Variants in RGMA observed in about 807,000 individuals in gnomAD.
RGMA encodes repulsive guidance molecule A.
RGMA carries 10 observed loss-of-function variants against 23.2 expected under a neutral mutation model. The ratio of observed to expected loss-of-function variants is 0.43; its 90% confidence interval spans 0.27 to 0.73. RGMA has a LOEUF of 0.73. RGMA is among the 30% of genes least tolerant of loss of function. The probability of loss-of-function intolerance (pLI) is 0.20; values close to 1 mark genes in which losing one functional copy is unlikely to be tolerated. For missense variants in RGMA, 547 were observed against 630.5 expected, an observed-to-expected ratio of 0.87 and a Z score of 1.42; for synonymous variants, 308 against 279.3, an observed-to-expected ratio of 1.10 and a Z score of -1.03.
intron 1 of RGMA, chr15:93,073,590 C>T (rs1264402246): frequency 3.3e-6 from 5 of 1,535,538 alleles, no homozygotes; most frequent in Non-Finnish European, 3.5e-6. Context: ...CGACCCCAAG[C>T]TTCCACCGAC....
Position 93,044,656 on chromosome 15 carries a change from A to G in RGMA, c.*342T>C. 5.8e-6 allele frequency: 2 copies of G among 343,302 alleles called. No individual in the cohort carries two copies. The highest frequency in any genetic ancestry group is 1.1e-5 in the Non-Finnish European group (2 of 186,004). The allele number at this position is 343,302 out of a possible 1,614,324, so 21.3% of individuals were successfully genotyped here. A position where few individuals can be genotyped will look rare whatever the true frequency, so the allele number is the denominator to read the frequency against. On this transcript the variant is annotated 3_prime_UTR_variant, in exon 4 of 4. Transcript: ENST00000329082. ...GGCCTTTCAGTGCATTGCGAGGGGG[A>G]AGGAGCTGACTCTGACGGTTCCCAG...
At chr15:93,082,865 A>C (rs1005886234) in intron 1 of RGMA, among the ~76,000 whole-genome samples, 1 of 152,250 alleles carries the variant, frequency 6.6e-6, no homozygotes, top group Non-Finnish European at 1.5e-5. Context: ...AGATTTACTT[A>C]AACAACAGGA....
intron 2 of RGMA, among the ~76,000 whole-genome samples, chr15:93,071,748 GCAAAT>G (rs1462825581): frequency 6.6e-6 from 1 of 152,240 alleles, no homozygotes; most frequent in Non-Finnish European, 1.5e-5. Flanking sequence ...TGGCGGAAGA[GCAAAT>G]CAAAATAACC....
intron 1 of RGMA, chr15:93,088,618 G>A: frequency 9.7e-7 from 1 of 1,033,340 alleles, no homozygotes; most frequent in Non-Finnish European, 1.2e-6. Flanking sequence ...GCTGAGGGAA[G>A]GAGCTCCCAG....
chr15:93,072,898 C>G lies in RGMA; in HGVS notation c.130+18G>C. ...GCCCAGGGACCCGGCCCCGCGCGCC[C>G]GGCCGGCAGTGCCTTACCTGCGGGG... On this transcript the variant is annotated intron_variant, in intron 2 of 3. Transcript: ENST00000329082. 1 of 1,590,312 alleles carries G rather than the reference C, an allele frequency of 6.3e-7. No homozygotes were observed. Among genetic ancestry groups the G allele is most frequent in the Non-Finnish European group, 8.6e-7 (1 of 1,168,956 alleles).
At chr15:93,079,446 G>A (rs572683378) in intron 1 of RGMA, among the ~76,000 whole-genome samples, 19 of 152,260 alleles carry the variant, frequency 1.2e-4, no homozygotes, top group East Asian at 7.7e-4. Context: ...ATTGTGCTTC[G>A]TTCAGCTAGT....
rs760403562 is a variant in RGMA at position 93,045,387 on chromosome 15, T to C, written c.964A>G (p.Asn322Asp). 10 of 1,611,282 alleles carry C rather than the reference T, an allele frequency of 6.2e-6. No individual in the cohort carries two copies. The Admixed American group carries it at 8.4e-5, about 13-fold the overall frequency. ...LYLCLRGCPL[N>D]QQIDFQAFHT... ...AAGGCCTGGAAGTCGATCTGCTGGT[T>C]GAGGGGGCAGCCCCGCAGGCAGAGG... Residue 322 changes from asparagine (N) to aspartate (D), a missense_variant, in exon 4 of 4, where the codon AAC becomes GAC. By Grantham distance (23) the Asn-to-Asp change is conservative. Coordinates refer to ENST00000329082, the MANE Select transcript of RGMA (RefSeq NM_020211.3). The surrounding 1 kb of genome is among the most constrained non-coding windows in gnomAD (Gnocchi z 6.9).
At chr15:93,088,203 A>C in intron 1 of RGMA, 1 of 868,114 alleles carries the variant, frequency 1.2e-6, no homozygotes. Context: ...AATAAGACGC[A>C]ATCCCGAATT....
In RGMA at chr15:93,045,201, T is replaced by C. The variant is rs2054800928; in HGVS notation, c.1150A>G (p.Thr384Ala). ...YYQACVFDLL[T>A]TGDVNFTLAA... ...AGTGTGAAGTTCACGTCGCCCGTGG[T>C]GAGGAGGTCGAAGACGCAGGCCTGG... Residue 384 changes from threonine (T) to alanine (A), a missense_variant, in exon 4 of 4, where the codon ACC (threonine) becomes GCC (alanine). By Grantham distance (58) the Thr-to-Ala change is moderately conservative. Around this residue, in one of 3 missense-constraint regions of RGMA, gnomAD observed 205 missense variants for 204.1 expected, o/e 1.00. Transcript: ENST00000329082. The surrounding 1 kb of genome is among the most constrained non-coding windows in gnomAD (Gnocchi z 6.9). The C allele has an allele frequency of 1.2e-6, 2 of 1,611,050 alleles. No homozygotes were observed. Among genetic ancestry groups the C allele is most frequent in the Non-Finnish European group, 1.7e-6 (2 of 1,178,802 alleles).
Position 93,043,887 on chromosome 15 carries a change from G to GA in RGMA, c.*1110dup, listed in dbSNP as rs750921487. On this transcript the variant is annotated 3_prime_UTR_variant, in exon 4 of 4. Coordinates refer to ENST00000329082, the MANE Select transcript of RGMA (RefSeq NM_020211.3). ...GCTGTGGGCACAGCAGCACAGGTGG[G>GA]ACTGTTCTGGGCCCCTGGATGAGCA... 5.9e-5 allele frequency: 9 copies of GA among 152,364 alleles called. No homozygotes were observed. Among genetic ancestry groups the GA allele is most frequent in the Non-Finnish European group, 1.2e-4 (8 of 68,148 alleles). 9.4% of individuals were successfully genotyped at this position (152,364 alleles called of 1,614,324 possible). A position where few individuals can be genotyped will look rare whatever the true frequency, so the allele number is the denominator to read the frequency against.
intron 1 of RGMA, among the ~76,000 whole-genome samples, chr15:93,087,473 A>AAAAAAAC (rs1555451813): frequency 1.3e-5 from 2 of 150,732 alleles, no homozygotes; most frequent in African/African-American, 4.9e-5. Context: ...GCAAAAAAAA[A>AAAAAAAC]AAAAAAAAAA....
At chr15:93,056,598 G>A (rs1289545060) in intron 2 of RGMA, among the ~76,000 whole-genome samples, 9 of 152,054 alleles carry the variant, frequency 5.9e-5, no homozygotes, top group Admixed American at 2.0e-4. Flanking sequence ...CCGTCTCCCC[G>A]ACTCCTCTGT....
Position 93,044,698 on chromosome 15 carries a change from G to C in RGMA, c.*300C>G. The C allele has an allele frequency of 2.2e-6, 1 of 445,354 alleles. No homozygotes were observed. Among genetic ancestry groups the C allele is most frequent in the Non-Finnish European group, 4.1e-6 (1 of 246,854 alleles). The allele number at this position is 445,354 out of a possible 1,614,324, so 27.6% of individuals were successfully genotyped here. A position where few individuals can be genotyped will look rare whatever the true frequency, so the allele number is the denominator to read the frequency against. ...GGTTCCCAGTGTGTCTCTGGTGGGG[G>C]TGGGGGGCTTCAGCCTGAGGGGATG... On this transcript the variant is annotated 3_prime_UTR_variant, in exon 4 of 4. Coordinates refer to ENST00000329082, the MANE Select transcript of RGMA (RefSeq NM_020211.3).
Position 93,087,473 on chromosome 15 carries a change from A to AAAAAAC in RGMA, c.14+1445_14+1446insGTTTTT, listed in dbSNP as rs774467903. On this transcript the variant is annotated intron_variant, in intron 1 of 3. Coordinates refer to ENST00000329082, the MANE Select transcript of RGMA (RefSeq NM_020211.3). ...CCCTTCTTTGTATGTGCAAAAAAAA[A>AAAAAAC]AAAAAAAAAAACCACAAAACCCAGT... Among the ~76,000 whole-genome samples the AAAAAAC allele has an allele frequency of 1.4e-3, 213 of 150,844 alleles. 2 individuals are homozygous for AAAAAAC. Among genetic ancestry groups the AAAAAAC allele is most frequent in the Non-Finnish European group, 2.6e-3 (173 of 67,636 alleles).
intron 1 of RGMA, among the ~76,000 whole-genome samples, chr15:93,086,256 T>C (rs568128570): frequency 3.3e-5 from 5 of 152,334 alleles, no homozygotes; most frequent in Admixed American, 2.0e-4. Flanking sequence ...TCTAGAATAA[T>C]TACCTGTAAG....
At chr15:93,062,096 C>T (rs1894985539) in intron 2 of RGMA, among the ~76,000 whole-genome samples, 1 of 152,030 alleles carries the variant, frequency 6.6e-6, no homozygotes, top group African/African-American at 2.4e-5. Context: ...GGGAAAAGAC[C>T]TGCCCTCTCT....
At chr15:93,066,587 T>G in intron 2 of RGMA, 1 of 459,608 alleles carries the variant, frequency 2.2e-6, no homozygotes, top group Non-Finnish European at 4.2e-6. Flanking sequence ...CCACCACCGC[T>G]ACCACCCCGG....
At chr15:93,047,445 G>A (rs142604914) in intron 3 of RGMA, among the ~76,000 whole-genome samples, 11 of 152,262 alleles carry the variant, frequency 7.2e-5, no homozygotes, top group Non-Finnish European at 1.3e-4. Context: ...AGGGGACAAG[G>A]TGGCACCCAG....
intron 2 of RGMA, among the ~76,000 whole-genome samples, chr15:93,068,360 G>A (rs773537602): frequency 6.6e-6 from 1 of 152,132 alleles, no homozygotes; most frequent in Non-Finnish European, 1.5e-5. Context: ...TAGCAGGAAC[G>A]ACACTCTCCC....
Sources: gnomAD v4.1 joint callset for allele counts (sites outside exome capture counted in the v4.1 genomes callset) on GRCh38, gnomAD v4.1.1 for gene constraint, gnomAD v4.1.1 regional missense constraint, Gnocchi (gnomAD v3.1) non-coding constraint, MANE v1.5 for transcripts, NCBI Gene and HGNC (gene_info 2026-07-23, HGNC 2026-07-21) for gene names.